The following BICDL2 variants were observed in gnomAD, a reference collection of about 807,000 sequenced individuals.
The protein encoded by BICDL2 is BICD family-like cargo adapter 2.
Under a neutral mutation model 56.6 loss-of-function variants are expected in BICDL2, and 62 were observed. The observed-to-expected ratio is 1.10, with a 90% CI of 0.89 to 1.35. The LOEUF is 1.35. Among genes scored for constraint, BICDL2 ranks in the 40% most tolerant of loss-of-function variants. BICDL2 has a pLI of 0.00. For missense variants in BICDL2, 808 were observed against 684.5 expected, an observed-to-expected ratio of 1.18 and a Z score of -2.01; for synonymous variants, 358 against 319.8, an observed-to-expected ratio of 1.12 and a Z score of -1.27.
rs57584811 is a variant in BICDL2, at chr16:3,030,443, G to A, written c.762+6C>T. On this transcript the variant is annotated splice_donor_region_variant and intron_variant, in intron 5 of 9. Coordinates refer to ENST00000572449, the MANE Select transcript of BICDL2 (RefSeq NM_001369667.1). Reference sequence around the variant, plus strand: ...GCAGTTGTAGTCCCCCAGCCCTGCAGGTCACCTCCAGGCTGTGCTCCCGCC... The same window carrying A: ...GCAGTTGTAGTCCCCCAGCCCTGCAAGTCACCTCCAGGCTGTGCTCCCGCC... The A allele has an allele frequency of 5.6e-6, 9 of 1,597,264 alleles. No individual in the cohort carries two copies. The East Asian group carries it at 2.0e-4, about 36-fold the overall frequency.
At chr16:3,030,659 T>C (rs1359162491) in intron 4 of BICDL2, 37 bp downstream of exon 4, 2 of 1,597,326 alleles carry the variant, frequency 1.3e-6, no homozygotes, top group Non-Finnish European at 1.7e-6. Flanking sequence ...CCGGCTTTTT[T>C]GGCTCAGATA....
chr16:3,036,300 C>T (rs1430310712), intron 1 of BICDL2: 1 of 451,910 alleles, frequency 2.2e-6, no homozygotes, highest in Non-Finnish European at 4.4e-6. Flanking sequence ...CCGGCCGCAG[C>T]GCGGCTCGGA....
At position 3,030,051 on chromosome 16, in the gene BICDL2, A is replaced by G. The variant is rs546581790; in HGVS notation, c.763-312T>C. On this transcript the variant is annotated intron_variant, in intron 5 of 9. Coordinates refer to ENST00000572449, the MANE Select transcript of BICDL2 (RefSeq NM_001369667.1). ...CTACTGAGGCTGCTTGTCCCACAGT[A>G]GTAAGTAAGAAGGGGCACCGGGATG... The G allele has an allele frequency of 1.5e-4, 71 of 481,414 alleles. 1 individual carries two copies. The South Asian group carries it at 2.3e-3, about 16-fold the overall frequency. 29.8% of individuals were successfully genotyped at this position (481,414 alleles called of 1,614,324 possible). A position where few individuals can be genotyped will look rare whatever the true frequency, so the allele number is the denominator to read the frequency against.
At chr16:3,036,616 C>A (rs1186605937) in intron 1 of BICDL2, 1 of 450,986 alleles carries the variant, frequency 2.2e-6, no homozygotes. Context: ...GCTCCCCCGC[C>A]CCCCTCCACG....
In BICDL2 at chr16:3,028,723, T is replaced by A. The variant is rs1407609238; in HGVS notation, c.1215A>T (p.Ser405=). Residue 405 remains serine (S), a synonymous_variant, in exon 8 of 10, where the codon TCA becomes TCT. Transcript: ENST00000572449. ...ACTTGTTCACGGCCTCGTCCCGGTCTGAGAGGGCACTGTGCAGGGCCTCCC... is the reference window on the plus strand; with the variant it reads ...ACTTGTTCACGGCCTCGTCCCGGTCAGAGAGGGCACTGTGCAGGGCCTCCC... ...DPGEALHSAL[S]DRDEAVNKAL... The A allele has an allele frequency of 6.4e-7, 1 of 1,568,228 alleles. No individual in the cohort carries two copies.
At chr16:3,034,658 C>CCCCTTCCTTCCTTCCTTCCT (rs767242897) in intron 2 of BICDL2, among the ~76,000 whole-genome samples, 1 of 128,842 alleles carries the variant, frequency 7.8e-6, no homozygotes, top group Non-Finnish European at 1.6e-5. Context: ...TTCTTTCTCT[C>CCCCTTCCTTCCTTCCTTCCT]TCCTTCCTTC....
At chr16:3,036,539 G>A (rs1955735388) in intron 1 of BICDL2, 3 of 454,944 alleles carry the variant, frequency 6.6e-6, no homozygotes, top group Admixed American at 2.4e-5. Context: ...GAGTGTCACG[G>A]TGGTCCCAGC....
Position 3,029,412 on chromosome 16 carries a change from CT to C in BICDL2, c.974del (p.Lys325ArgfsTer17). 1 of 1,605,248 alleles carries C rather than the reference CT, an allele frequency of 6.2e-7. No homozygotes were observed. ...PGDTPTTRSP[K>X]TRKASSPQPS... The stretch of plus-strand genomic sequence containing the variant: ...GCTGGGGGCTGGACGCCTTTCGGGT[CT>C]TTGGGGACCGGGTGGTCTGTGGGCC... On this transcript the variant is annotated frameshift_variant, in exon 7 of 10. Coordinates refer to ENST00000572449, the MANE Select transcript of BICDL2 (RefSeq NM_001369667.1). LOFTEE classifies it high-confidence loss of function.
rs537537259 is a variant in BICDL2, at chr16:3,028,914, C to G, written c.1108-84G>C. On this transcript the variant is annotated intron_variant, in intron 7 of 9. Transcript: ENST00000572449. The stretch of plus-strand genomic sequence containing the variant: ...CCAGCAGCCCCGACTCTGGCTCTCC[C>G]CACCCCTCCTCTGCCTGCGACAGAC... 7.5e-6 allele frequency: 11 copies of G among 1,465,526 alleles called. No individual in the cohort carries two copies. In the South Asian group the frequency reaches 1.5e-4, roughly 20 times the overall value. The allele number at this position is 1,465,526 out of a possible 1,614,324, so 90.8% of individuals were successfully genotyped here. A position where few individuals can be genotyped will look rare whatever the true frequency, so the allele number is the denominator to read the frequency against.
intron 2 of BICDL2, 111 bp from the exon 3 acceptor site, chr16:3,031,261 C>T: frequency 6.5e-6 from 6 of 920,506 alleles, no homozygotes; most frequent in Non-Finnish European, 9.6e-6. Flanking sequence ...CCTAAGGGGG[C>T]CTTGTGTCCA....
chr16:3,029,433 T>C lies in BICDL2; in HGVS notation c.958-4A>G, dbSNP rs1195536241. On this transcript the variant is annotated splice_polypyrimidine_tract_variant and splice_region_variant and intron_variant, in intron 6 of 9. Coordinates refer to ENST00000572449, the MANE Select transcript of BICDL2 (RefSeq NM_001369667.1). ...GGGTCTTTGGGGACCGGGTGGTCTG[T>C]GGGCCAAAGAAATGGGTTAGTGGTG... is the stretch of plus-strand genomic sequence containing the variant. 1.2e-5 allele frequency: 20 copies of C among 1,601,156 alleles called. No individual in the cohort carries two copies. Among genetic ancestry groups the C allele is most frequent in the Non-Finnish European group, 1.5e-5 (18 of 1,177,326 alleles).
chr16:3,030,074 A>T (rs1468647710), intron 5 of BICDL2: 1 of 461,456 alleles, frequency 2.2e-6, no homozygotes, highest in Non-Finnish European at 3.8e-6. Flanking sequence ...GGGCACCGGG[A>T]TGCGAAGGAA....
Position 3,027,750 on chromosome 16 carries a change from A to G in BICDL2, c.*356T>C, listed in dbSNP as rs2072841050. The G allele has an allele frequency of 7.2e-7, 1 of 1,390,128 alleles. No individual in the cohort carries two copies. Among genetic ancestry groups the G allele is most frequent in the Non-Finnish European group, 9.6e-7 (1 of 1,038,296 alleles). The allele number at this position is 1,390,128 out of a possible 1,614,324, so 86.1% of individuals were successfully genotyped here. Reference sequence around the variant, plus strand: ...TTACAATAAAGTTTCAGGCTTTTTTACCATGCTCTTTCTTTCTATGAATGG... The same window carrying G: ...TTACAATAAAGTTTCAGGCTTTTTTGCCATGCTCTTTCTTTCTATGAATGG... On this transcript the variant is annotated 3_prime_UTR_variant, in exon 10 of 10. Coordinates refer to ENST00000572449, the MANE Select transcript of BICDL2 (RefSeq NM_001369667.1).
Position 3,029,621 on chromosome 16 carries a change from G to GAGGCAGCC in BICDL2, c.873_880dup (p.Ser294TrpfsTer51). On this transcript the variant is annotated frameshift_variant, in exon 6 of 10. Transcript: ENST00000572449. LOFTEE classifies it high-confidence loss of function. ...GCTGTGGGCCAGTTCTGACTGCAAC[G>GAGGCAGCC]AGGCAGCCGACACGTCGGCGTCCTG... 1.3e-6 allele frequency: 2 copies of GAGGCAGCC among 1,537,368 alleles called. No homozygotes were observed. Among genetic ancestry groups the GAGGCAGCC allele is most frequent in the Non-Finnish European group, 1.7e-6 (2 of 1,145,760 alleles).
chr16:3,035,176 T>TTGGCCCGGGGGGGGGGG, intron 2 of BICDL2, 39 bp downstream of exon 2: 11 of 136,272 alleles, frequency 8.1e-5, no homozygotes, highest in Non-Finnish European at 1.4e-4. Flanking sequence ...CGTCCTCCCC[T>TTGGCCCGGGGGGGGGGG]GCCCACCCAC....
chr16:3,035,974 G>A (rs755775207), intron 1 of BICDL2: 19 of 312,132 alleles, frequency 6.1e-5, no homozygotes, highest in Non-Finnish European at 1.1e-4. Flanking sequence ...GGGAACTGAG[G>A]TATCTTCGCC....
rs770724561 is a variant in BICDL2 at position 3,035,354 on chromosome 16, T to C, written c.143A>G (p.Glu48Gly). ...LGGGPGPEEPEDLALQLQQKE... is the reference protein window; with the variant it reads ...LGGGPGPEEPGDLALQLQQKE... Reference sequence around the variant, plus strand: ...CTGCTGCAGCTGCAAGGCTAGGTCCTCGGGCTCCTCAGGCCCTGGGCCCCC... The same window carrying C: ...CTGCTGCAGCTGCAAGGCTAGGTCCCCGGGCTCCTCAGGCCCTGGGCCCCC... The change falls in exon 2 of 10, where the codon GAG becomes GGG. Residue 48 changes from glutamate (E) to glycine (G), a missense_variant. Physicochemically the swap from Glu to Gly is moderately conservative, Grantham distance 98 (BLOSUM62 -2). Coordinates refer to ENST00000572449, the MANE Select transcript of BICDL2 (RefSeq NM_001369667.1). The C allele has an allele frequency of 1.3e-4, 213 of 1,602,830 alleles. No individual in the cohort carries two copies. The highest frequency in any genetic ancestry group is 1.7e-4 in the Non-Finnish European group (204 of 1,175,494).
At position 3,030,504 on chromosome 16, in the gene BICDL2, G is replaced by A. The variant is rs749006411; in HGVS notation, c.707C>T (p.Thr236Ile). 3.1e-6 allele frequency: 5 copies of A among 1,603,664 alleles called. No homozygotes were observed. In the East Asian group the frequency reaches 8.9e-5, roughly 29 times the overall value. ...EVEKGEGRLQ[T>I]THEELLLLRR... is the part of the protein sequence containing the mutation. ...CAGCAGCAGCAACTCCTCGTGGGTG[G>A]TCTGCAGTCTGCCCTCACCCTTCTC... is the stretch of plus-strand genomic sequence containing the variant. Residue 236 changes from threonine (T) to isoleucine (I), a missense_variant, in exon 5 of 10, where the codon ACC becomes ATC. Transcript: ENST00000572449.
At chr16:3,029,189 G>A (rs1596481160) in intron 7 of BICDL2, 91 bp downstream of exon 7, 2 of 1,490,696 alleles carry the variant, frequency 1.3e-6, no homozygotes, top group East Asian at 4.9e-5. Flanking sequence ...GGTATAGGGA[G>A]CTTAGTGGGC....
Sources: allele counts gnomAD v4.1 joint callset (sites outside exome capture counted in the v4.1 genomes callset), GRCh38; gene constraint gnomAD v4.1.1; transcripts MANE v1.5; gene names NCBI Gene and HGNC (gene_info 2026-07-23, HGNC 2026-07-21).